Variants in MRPL43 observed in about 807,000 individuals in gnomAD.
MRPL43 encodes large ribosomal subunit protein mL43.
MRPL43 carries 9 observed loss-of-function variants against 12.7 expected under a neutral mutation model. That is an observed-to-expected ratio of 0.71 (90% confidence interval 0.43 to 1.24). The LOEUF is 1.24. MRPL43 is among the 50% of genes most tolerant of loss of function. The probability of loss-of-function intolerance (pLI) is 0.00; values close to 1 mark genes in which losing one functional copy is unlikely to be tolerated. For synonymous variants in MRPL43, 116 were observed against 96.4 expected (o/e 1.20, Z -1.19); for missense variants, 211 against 229.2 (o/e 0.92, Z 0.51).
chr10:100,985,087 C>A, downstream of MRPL43: 1 of 588,236 alleles, frequency 1.7e-6, no homozygotes, highest in Non-Finnish European at 2.8e-6. Context: ...CAGGCCCTTG[C>A]CTAGGATGGA....
downstream of MRPL43, chr10:100,980,414 G>T (rs1851006493): frequency 1.3e-6 from 2 of 1,488,424 alleles, no homozygotes; most frequent in East Asian, 2.3e-5. Flanking sequence ...ATTAATTCCT[G>T]CCATGACTAG....
downstream of MRPL43, chr10:100,979,382 G>A: frequency 6.3e-7 from 1 of 1,590,658 alleles, no homozygotes; most frequent in Non-Finnish European, 8.6e-7. Flanking sequence ...GCTGCAAAGT[G>A]AGAATTTTTT....
At chr10:100,979,398 T>G, downstream of MRPL43, 1 of 1,578,506 alleles carries the variant, frequency 6.3e-7, no homozygotes, top group East Asian at 2.2e-5. Context: ...TTTTTTTTTT[T>G]TTTAAGAGGG....
chr10:100,987,090 G>C lies in MRPL43; in HGVS notation c.238C>G (p.Leu80Val). The change falls in exon 2 of 3, where the codon CTT becomes GTT. Residue 80 changes from leucine to valine, a missense_variant and splice_region_variant. Physicochemically the swap from Leu to Val is conservative, Grantham distance 32. Coordinates refer to ENST00000318364, the MANE Select transcript of MRPL43 (RefSeq NM_032112.3). ...CCVPRVVAEY[L>V]NGAVREESIH... ...CCAGCCCGAGCCCGGCCCCACTCAC[G>C]GTATTCGGCCACTACTCTGGGCACG... The C allele has an allele frequency of 6.2e-7, 1 of 1,613,284 alleles. No individual in the cohort carries two copies.
At chr10:100,984,817 ACTCCC>A (rs1310336433), downstream of MRPL43, 1 of 1,527,362 alleles carries the variant, frequency 6.5e-7, no homozygotes, top group Non-Finnish European at 8.8e-7. Flanking sequence ...AGACTGCATC[ACTCCC>A]CTCCTCTCCC....
At chr10:100,982,062 CAA>C (rs34646595), downstream of MRPL43, among the ~76,000 whole-genome samples, 12 of 126,810 alleles carry the variant, frequency 9.5e-5, no homozygotes, top group Admixed American at 1.7e-4. Flanking sequence ...CATCTCATCT[CAA>C]AAAAAAAAAA....
chr10:100,983,666 T>G (rs1589999484), downstream of MRPL43: 1 of 1,613,520 alleles, frequency 6.2e-7, no homozygotes, highest in Non-Finnish European at 8.5e-7. Context: ...TTGCCGCGCT[T>G]GGTGGCCTCT....
chr10:100,981,628 T>A, downstream of MRPL43: 1 of 1,498,144 alleles, frequency 6.7e-7, no homozygotes, highest in Non-Finnish European at 9.2e-7. Flanking sequence ...AATACTTCTA[T>A]GCATGATGTC....
In MRPL43 at chr10:100,987,168, A is replaced by G. The variant is rs1459700849; in HGVS notation, c.160T>C (p.Phe54Leu). The G allele has an allele frequency of 1.9e-6, 3 of 1,613,902 alleles. No individual in the cohort carries two copies. Among genetic ancestry groups the G allele is most frequent in the Non-Finnish European group, 1.7e-6 (2 of 1,180,030 alleles). Residue 54 changes from phenylalanine to leucine, a missense_variant, in exon 2 of 3, where the codon TTC (phenylalanine) becomes CTC (leucine). Physicochemically the swap from Phe to Leu is conservative, Grantham distance 22. Transcript: ENST00000318364. ...ACGACCCCTGGATTCCGTCGGGCGA[A>G]GTCGATCACCTCCCGCTCCACGAAC... ...REFVEREVID[F>L]ARRNPGVVIY...
downstream of MRPL43, chr10:100,984,323 T>C: frequency 2.1e-6 from 3 of 1,439,956 alleles, no homozygotes; most frequent in East Asian, 5.0e-5. Context: ...CAGACCCACA[T>C]GTGAGCAGCC....
chr10:100,979,614 C>CT (rs1850960813), downstream of MRPL43, among the ~76,000 whole-genome samples: 1 of 152,080 alleles, frequency 6.6e-6, no homozygotes, highest in African/African-American at 2.4e-5. Context: ...ATCTCTTGAC[C>CT]TCGTGATCTG....
Position 100,986,455 on chromosome 10 carries a change from T to A in MRPL43, c.*279A>T, listed in dbSNP as rs879523534. ...TGTTTTGAGATCATTATTATCAATT[T>A]GGATTTAAAAAACAAGGGCCCTGTA... is the stretch of plus-strand genomic sequence containing the variant. On this transcript the variant is annotated 3_prime_UTR_variant, in exon 3 of 3. Coordinates refer to ENST00000318364, the MANE Select transcript of MRPL43 (RefSeq NM_032112.3). 5 of 1,528,018 alleles carry A rather than the reference T, an allele frequency of 3.3e-6. No individual in the cohort carries two copies. Among genetic ancestry groups the A allele is most frequent in the Middle Eastern group, 3.4e-4 (2 of 5,802 alleles). The allele number at this position is 1,528,018 out of a possible 1,614,324, so 94.7% of individuals were successfully genotyped here.
chr10:100,986,472 G>T lies in MRPL43; in HGVS notation c.*262C>A. 6.5e-7 allele frequency: 1 copy of T among 1,534,534 alleles called. No individual in the cohort carries two copies. Among genetic ancestry groups the T allele is most frequent in the Non-Finnish European group, 8.8e-7 (1 of 1,142,296 alleles). On this transcript the variant is annotated 3_prime_UTR_variant, in exon 3 of 3. Coordinates refer to ENST00000318364, the MANE Select transcript of MRPL43 (RefSeq NM_032112.3). Reference sequence around the variant, plus strand: ...TATCAATTTGGATTTAAAAAACAAGGGCCCTGTAAAACCCTTGAAGTCTTC... The same window carrying T: ...TATCAATTTGGATTTAAAAAACAAGTGCCCTGTAAAACCCTTGAAGTCTTC...
chr10:100,983,271 G>C, downstream of MRPL43: 1 of 1,476,210 alleles, frequency 6.8e-7, no homozygotes, highest in South Asian at 1.4e-5. Flanking sequence ...TTCCTGGGAC[G>C]GGCTGGTACT....
chr10:100,987,025 C>A (rs1197138089), intron 2 of MRPL43, 50 bp from the exon 3 acceptor site: 2 of 1,606,322 alleles, frequency 1.2e-6, no homozygotes, highest in Admixed American at 1.7e-5. Flanking sequence ...TGCGACCAAG[C>A]GAGAAGGAGG....
downstream of MRPL43, chr10:100,984,362 G>A (rs1851313579): frequency 6.9e-7 from 1 of 1,445,008 alleles, no homozygotes; most frequent in Admixed American, 2.7e-5. Context: ...TCAGAGGTAG[G>A]TGCTCCCTCA....
downstream of MRPL43, chr10:100,984,365 C>T: frequency 6.9e-7 from 1 of 1,444,994 alleles, no homozygotes; most frequent in Non-Finnish European, 9.1e-7. Flanking sequence ...GAGGTAGGTG[C>T]TCCCTCAGGA....
downstream of MRPL43, chr10:100,981,027 T>A: frequency 6.3e-7 from 1 of 1,594,660 alleles, no homozygotes; most frequent in Non-Finnish European, 8.5e-7. Context: ...GACAGTCACA[T>A]GTGGTCTGAG....
At chr10:100,985,170 C>T (rs1851377286), downstream of MRPL43, 1 of 372,828 alleles carries the variant, frequency 2.7e-6, no homozygotes, top group African/African-American at 2.1e-5. Flanking sequence ...TAGACTACAG[C>T]AGGGAAAGGG....
Sources: allele counts gnomAD v4.1 joint callset (sites outside exome capture counted in the v4.1 genomes callset), GRCh38; gene constraint gnomAD v4.1.1; transcripts MANE v1.5; gene names NCBI Gene and HGNC (gene_info 2026-07-23, HGNC 2026-07-21).